ARHGAP8: variants seen among roughly 807,000 people sequenced by gnomAD.
The protein encoded by ARHGAP8 is Rho GTPase activating protein 8, also known as rho GTPase-activating protein 8.
ARHGAP8 carries 62 observed loss-of-function variants against 46.1 expected under a neutral mutation model. The observed-to-expected ratio is 1.34, with a 90% CI of 1.10 to 1.66. ARHGAP8 has a LOEUF of 1.66. Among genes scored for constraint, ARHGAP8 ranks in the 40% most tolerant of loss-of-function variants. The pLI is 0.00. For synonymous variants in ARHGAP8, 375 were observed against 243.1 expected (o/e 1.54, Z -5.05); for missense variants, 923 against 568.4 (o/e 1.62, Z -6.34).
intron 1 of ARHGAP8, among the ~76,000 whole-genome samples, chr22:44,773,667 C>G (rs1926205929): frequency 6.6e-6 from 1 of 152,210 alleles, no homozygotes; most frequent in Non-Finnish European, 1.5e-5. Context: ...ACTGCATCCT[C>G]CGCCTCCCAG....
intron 2 of ARHGAP8, among the ~76,000 whole-genome samples, chr22:44,791,133 AG>A (rs1927651844): frequency 6.6e-6 from 1 of 152,090 alleles, no homozygotes; most frequent in Admixed American, 6.6e-5. Flanking sequence ...CCCAGCAAAA[AG>A]AAAACTAATT....
At chr22:44,816,908 G>A (rs1214071719) in intron 5 of ARHGAP8, among the ~76,000 whole-genome samples, 8 of 120,382 alleles carry the variant, frequency 6.6e-5, no homozygotes, top group East Asian at 2.3e-4. Flanking sequence ...TTTTTGAGAC[G>A]AAGTCTCGCT....
At chr22:44,800,388 G>A (rs1479463702) in intron 2 of ARHGAP8, among the ~76,000 whole-genome samples, 1 of 139,300 alleles carries the variant, frequency 7.2e-6, no homozygotes, top group African/African-American at 2.9e-5. Context: ...TTACAGACAT[G>A]AGCCACTGCA....
chr22:44,855,801 G>A (rs1274254233), intron 10 of ARHGAP8, among the ~76,000 whole-genome samples: 2 of 152,164 alleles, frequency 1.3e-5, no homozygotes, highest in African/African-American at 4.8e-5. Context: ...TGGCTGGTAG[G>A]ATGTCAGCTG....
intron 7 of ARHGAP8, among the ~76,000 whole-genome samples, chr22:44,834,312 T>C (rs1252991539): frequency 6.6e-6 from 1 of 152,162 alleles, no homozygotes; most frequent in Admixed American, 6.5e-5. Context: ...GATGTATCTG[T>C]TAGTGTATTA....
chr22:44,848,847 C>A, intron 9 of ARHGAP8, 85 bp from the exon 10 acceptor site: 1 of 1,585,696 alleles, frequency 6.3e-7, no homozygotes, highest in South Asian at 1.2e-5. Flanking sequence ...CCGGACATCT[C>A]ACGCCCTGTG....
At position 44,862,677 on chromosome 22, in the gene ARHGAP8, A is replaced by G. The variant is rs2147215815; in HGVS notation, c.*82A>G. 3 of 1,459,484 alleles carry G rather than the reference A, an allele frequency of 2.1e-6. No homozygotes were observed. The highest frequency in any genetic ancestry group is 2.4e-5 in the East Asian group (1 of 42,426). The allele number at this position is 1,459,484 out of a possible 1,614,324, so 90.4% of individuals were successfully genotyped here. On this transcript the variant is annotated 3_prime_UTR_variant, in exon 12 of 12. Coordinates refer to ENST00000356099, the MANE Select transcript of ARHGAP8 (RefSeq NM_181335.3). ...ATGTTTTGTAAACTTGGCATCTGTA[A>G]AAATAACCAGCCATTAGATGAATTC...
chr22:44,756,891 A>G (rs914596740), intron 1 of ARHGAP8, among the ~76,000 whole-genome samples: 4 of 151,906 alleles, frequency 2.6e-5, no homozygotes, highest in Non-Finnish European at 5.9e-5. Flanking sequence ...TTACTGCAAT[A>G]CTATTATGTT....
At chr22:44,833,841 A>G (rs897902166) in intron 7 of ARHGAP8, among the ~76,000 whole-genome samples, 2 of 152,042 alleles carry the variant, frequency 1.3e-5, no homozygotes, top group East Asian at 1.9e-4. Context: ...TGCTTGTTAT[A>G]TTTATTCAGA....
Position 44,804,543 on chromosome 22 carries a change from C to A in ARHGAP8, c.167+2379C>A, listed in dbSNP as rs930765542. On this transcript the variant is annotated intron_variant, in intron 3 of 11. Coordinates refer to ENST00000356099, the MANE Select transcript of ARHGAP8 (RefSeq NM_181335.3). ...GGGTGTCCCTGGAAACATTTATGTG[C>A]CCTTGTGAGGACAGGGAGCACGGCA... 1.1e-4 allele frequency among the ~76,000 whole-genome samples: 16 copies of A among 152,298 alleles called. 1 individual carries two copies. The highest frequency in any genetic ancestry group is 2.6e-4 in the Admixed American group (4 of 15,302).
chr22:44,760,922 C>T (rs971177928), intron 1 of ARHGAP8, among the ~76,000 whole-genome samples: 1 of 151,978 alleles, frequency 6.6e-6, no homozygotes, highest in South Asian at 2.1e-4. Flanking sequence ...CAGGGAGGGT[C>T]GGGAGGGAGT....
intron 7 of ARHGAP8, among the ~76,000 whole-genome samples, chr22:44,835,408 G>C (rs948141591): frequency 2.0e-5 from 3 of 151,864 alleles, no homozygotes; most frequent in Admixed American, 1.3e-4. Flanking sequence ...TCACGAGATC[G>C]AGACACTGAG....
intron 3 of ARHGAP8, among the ~76,000 whole-genome samples, chr22:44,803,147 G>C (rs1164628097): frequency 6.6e-6 from 1 of 152,182 alleles, no homozygotes; most frequent in East Asian, 1.9e-4. Context: ...CTAAGGCCAG[G>C]AAATGACTCT....
chr22:44,771,916 A>G lies in ARHGAP8; in HGVS notation c.-71-14541A>G, dbSNP rs567854007. 2.6e-5 allele frequency among the ~76,000 whole-genome samples: 4 copies of G among 152,240 alleles called. No individual in the cohort carries two copies. The South Asian group carries it at 6.2e-4, about 24-fold the overall frequency. The stretch of plus-strand genomic sequence containing the variant: ...GCCTTTTTCTTCCTTGTCTTATTAC[A>G]GTGGGTGGGACCTCCAGTATACTGT... On this transcript the variant is annotated intron_variant, in intron 1 of 11. Coordinates refer to ENST00000356099, the MANE Select transcript of ARHGAP8 (RefSeq NM_181335.3).
chr22:44,812,396 C>T (rs1929401304), intron 4 of ARHGAP8, among the ~76,000 whole-genome samples: 1 of 135,260 alleles, frequency 7.4e-6, no homozygotes. Context: ...CTTGCTCTGT[C>T]ACCAGGCTGG....
chr22:44,847,893 G>A, intron 8 of ARHGAP8, 80 bp from the exon 9 acceptor site: 1 of 1,560,292 alleles, frequency 6.4e-7, no homozygotes, highest in Non-Finnish European at 8.7e-7. Context: ...GTGATGCCGT[G>A]GGCAGGGGAG....
chr22:44,815,185 C>T (rs1278127018), intron 5 of ARHGAP8, among the ~76,000 whole-genome samples: 1 of 152,196 alleles, frequency 6.6e-6, no homozygotes, highest in Non-Finnish European at 1.5e-5. Context: ...TGCAAGTTCC[C>T]AGCTGCCCTC....
intron 10 of ARHGAP8, 108 bp downstream of exon 10, chr22:44,849,168 C>T: frequency 1.9e-6 from 3 of 1,555,606 alleles, no homozygotes; most frequent in South Asian, 2.4e-5. Flanking sequence ...CGTGTACCCA[C>T]CCTCCTCCTG....
chr22:44,796,770 A>G (rs1353403537), intron 2 of ARHGAP8, among the ~76,000 whole-genome samples: 1 of 152,160 alleles, frequency 6.6e-6, no homozygotes, highest in Non-Finnish European at 1.5e-5. Flanking sequence ...ATTGTTCGTA[A>G]TAAAGCTGTG....
Sources: gnomAD v4.1 joint callset for allele counts (sites outside exome capture counted in the v4.1 genomes callset) on GRCh38, gnomAD v4.1.1 for gene constraint, MANE v1.5 for transcripts, NCBI Gene and HGNC (gene_info 2026-07-23, HGNC 2026-07-21) for gene names.